Variants in HSDL2 observed in about 807,000 individuals in gnomAD.
The protein encoded by HSDL2 is hydroxysteroid dehydrogenase-like protein 2.
HSDL2 carries 27 observed loss-of-function variants against 46.3 expected under a neutral mutation model. The observed-to-expected ratio is 0.58, with a 90% CI of 0.43 to 0.80. HSDL2 has a LOEUF of 0.80. Ranked by LOEUF, HSDL2 falls within the 30% of genes least tolerant of loss-of-function variation. The probability of loss-of-function intolerance (pLI) is 0.00; values close to 1 mark genes in which losing one functional copy is unlikely to be tolerated. For missense variants in HSDL2, 451 were observed against 502.7 expected, an observed-to-expected ratio of 0.90 and a Z score of 0.98; for synonymous variants, 153 against 163.6, an observed-to-expected ratio of 0.94 and a Z score of 0.50.
At chr9:112,388,229 G>A (rs757188596) in intron 1 of HSDL2, among the ~76,000 whole-genome samples, 7 of 151,876 alleles carry the variant, frequency 4.6e-5, no homozygotes, top group African/African-American at 7.3e-5. Flanking sequence ...TTGGGAGGCC[G>A]AGGCGGGCAG....
At chr9:112,438,309 C>T (rs1475527461) in intron 6 of HSDL2, 122 bp from the exon 7 acceptor site, 2 of 693,816 alleles carry the variant, frequency 2.9e-6, no homozygotes, top group East Asian at 3.3e-5. Flanking sequence ...TTGTTTTCAT[C>T]AGCTAAGAAA....
intron 1 of HSDL2, 35 bp from the exon 2 acceptor site, chr9:112,403,960 G>C (rs201985874): frequency 6.3e-6 from 10 of 1,588,384 alleles, no homozygotes; most frequent in Non-Finnish European, 8.6e-6. Flanking sequence ...TAAAACATTG[G>C]GTCTTCTAAT....
intron 6 of HSDL2, 25 bp from the exon 7 acceptor site, chr9:112,438,406 A>G: frequency 7.0e-7 from 1 of 1,434,642 alleles, no homozygotes; most frequent in Non-Finnish European, 9.4e-7. Context: ...TTATGAGTGT[A>G]TGTGTGTGTG....
At chr9:112,380,827 ACTC>A (rs1831071732) in intron 1 of HSDL2, among the ~76,000 whole-genome samples, 1 of 151,500 alleles carries the variant, frequency 6.6e-6, no homozygotes, top group Admixed American at 6.6e-5. Flanking sequence ...CCATGAAACA[ACTC>A]CTCTTCCCCA....
At chr9:112,445,615 C>T (rs1418676640) in intron 8 of HSDL2, among the ~76,000 whole-genome samples, 2 of 152,102 alleles carry the variant, frequency 1.3e-5, no homozygotes, top group Non-Finnish European at 2.9e-5. Flanking sequence ...ACCTCCACCG[C>T]CCAGGTTAAA....
chr9:112,388,470 A>G (rs1831266746), intron 1 of HSDL2, among the ~76,000 whole-genome samples: 1 of 151,496 alleles, frequency 6.6e-6, no homozygotes, highest in African/African-American at 2.4e-5. Flanking sequence ...CAAAAAAAAA[A>G]AAAAAAAAAA....
rs1428757278 is a variant in HSDL2, at chr9:112,439,038, T to A, written c.793+413T>A. 5.9e-5 allele frequency among the ~76,000 whole-genome samples: 9 copies of A among 152,358 alleles called. No individual in the cohort carries two copies. In the Middle Eastern group the frequency reaches 0.01, roughly 173 times the overall value. Reference sequence around the variant, plus strand: ...TTATTTGAGAAAGGGTCTCACTCTGTCACCCAGGTTGGAGTGTAGTGGCGC... The same window carrying A: ...TTATTTGAGAAAGGGTCTCACTCTGACACCCAGGTTGGAGTGTAGTGGCGC... On this transcript the variant is annotated intron_variant, in intron 7 of 10. Transcript: ENST00000398805.
chr9:112,469,612 A>AC (rs1179114099), intron 10 of HSDL2: 12 of 143,330 alleles, frequency 8.4e-5, no homozygotes, highest in Admixed American at 8.1e-4. Flanking sequence ...GCAGTAAGCC[A>AC]TGTACTCCAC....
chr9:112,435,117 A>G (rs755024356), intron 6 of HSDL2, among the ~76,000 whole-genome samples: 58 of 152,094 alleles, frequency 3.8e-4, no homozygotes, highest in Admixed American at 6.6e-4. Context: ...GAAATACTCA[A>G]TGGCCCACTC....
chr9:112,432,164 G>C (rs1041059806), intron 6 of HSDL2, among the ~76,000 whole-genome samples: 5 of 152,182 alleles, frequency 3.3e-5, no homozygotes, highest in Non-Finnish European at 7.4e-5. Context: ...TTACAGGTGT[G>C]AGCCACTGTG....
intron 4 of HSDL2, among the ~76,000 whole-genome samples, chr9:112,416,105 CAA>C (rs35263826): frequency 2.0e-4 from 27 of 131,968 alleles, no homozygotes; most frequent in South Asian, 7.3e-4. Flanking sequence ...GACTCCGTCT[CAA>C]AAAAAAAAAA....
At chr9:112,449,080 G>GTTTTTTTTTTTTTTTTTTTTTTTTTTT (rs59586435) in intron 8 of HSDL2, among the ~76,000 whole-genome samples, 1 of 118,952 alleles carries the variant, frequency 8.4e-6, no homozygotes, top group Admixed American at 9.0e-5. Flanking sequence ...TCTTTCCTCT[G>GTTTTTTTTTTTTTTTTTTTTTTTTTTT]TTTTTTTTTT....
At chr9:112,462,042 TA>T (rs1314962170) in intron 10 of HSDL2, among the ~76,000 whole-genome samples, 1 of 152,216 alleles carries the variant, frequency 6.6e-6, no homozygotes, top group African/African-American at 2.4e-5. Context: ...TATGTCCTTT[TA>T]TTCTTACTGT....
At chr9:112,424,662 G>T (rs901466046) in intron 6 of HSDL2, among the ~76,000 whole-genome samples, 3 of 151,906 alleles carry the variant, frequency 2.0e-5, no homozygotes, top group South Asian at 2.1e-4. Flanking sequence ...GCCCTTTAGA[G>T]TATATAAGTC....
chr9:112,396,957 C>T (rs943027548), intron 1 of HSDL2, among the ~76,000 whole-genome samples: 4 of 152,074 alleles, frequency 2.6e-5, no homozygotes, highest in African/African-American at 7.2e-5. Context: ...ATATTGGGGC[C>T]TGAGACTGGC....
chr9:112,381,177 T>G (rs997238393), intron 1 of HSDL2, among the ~76,000 whole-genome samples: 2 of 151,964 alleles, frequency 1.3e-5, no homozygotes, highest in African/African-American at 4.8e-5. Flanking sequence ...TTAGTTGGTA[T>G]GTCTTGGGAC....
At chr9:112,410,560 T>C (rs895228988) in intron 4 of HSDL2, among the ~76,000 whole-genome samples, 1 of 152,250 alleles carries the variant, frequency 6.6e-6, no homozygotes, top group African/African-American at 2.4e-5. Context: ...AGGTATGTTT[T>C]GTTGGGTCTG....
intron 1 of HSDL2, among the ~76,000 whole-genome samples, chr9:112,382,713 T>C (rs1831125056): frequency 6.6e-6 from 1 of 152,208 alleles, no homozygotes; most frequent in South Asian, 2.1e-4. Context: ...AAGCCATCTA[T>C]GTATCTTTAT....
chr9:112,452,492 A>G (rs989549854), intron 8 of HSDL2, among the ~76,000 whole-genome samples: 2 of 152,088 alleles, frequency 1.3e-5, no homozygotes, highest in African/African-American at 4.8e-5. Flanking sequence ...CACGCCTGCA[A>G]TCCCAGCACT....
Sources: allele counts gnomAD v4.1 joint callset (sites outside exome capture counted in the v4.1 genomes callset), GRCh38; gene constraint gnomAD v4.1.1; transcripts MANE v1.5; gene names NCBI Gene and HGNC (gene_info 2026-07-23, HGNC 2026-07-21).